The following GABRR2 variants were observed in gnomAD, a reference collection of about 807,000 sequenced individuals.
GABRR2 encodes the protein gamma-aminobutyric acid type A receptor subunit rho2.
In GABRR2, 36 loss-of-function variants were observed where a neutral mutation model predicts 47.0. The ratio of observed to expected loss-of-function variants is 0.77; its 90% CI spans 0.59 to 1.01. GABRR2 has a LOEUF of 1.01. Among genes scored for constraint, GABRR2 ranks in the 50% least tolerant of loss-of-function variants. GABRR2 has a pLI of 0.00. For missense variants in GABRR2, 587 were observed against 594.6 expected (o/e 0.99, Z 0.13); for synonymous variants, 204 against 227.5 (o/e 0.90, Z 0.93).
intron 1 of GABRR2, chr6:89,302,069 G>C: frequency 1.6e-6 from 1 of 642,934 alleles, no homozygotes. Flanking sequence ...TCAGAGTGGG[G>C]CCGGCAATAA....
Position 89,255,857 on chromosome 6 carries a change from G to A in GABRR2, c.*1813C>T, listed in dbSNP as rs1334038054. 1.3e-5 allele frequency among the ~76,000 whole-genome samples: 2 copies of A among 152,046 alleles called. No homozygotes were observed. The highest frequency in any genetic ancestry group is 2.9e-5 in the Non-Finnish European group (2 of 68,022). On this transcript the variant is annotated 3_prime_UTR_variant, in exon 9 of 9. Transcript: ENST00000402938. The stretch of plus-strand genomic sequence containing the variant: ...TACTAAGCCCACTTGAGTGTGGATG[G>A]TGTAACCAAGGAACTGAGTTTTCAA...
Position 89,269,071 on chromosome 6 carries a change from G to T in GABRR2, c.452C>A (p.Thr151Asn). Residue 151 changes from threonine to asparagine, a missense_variant, in exon 4 of 9, where the codon ACC (threonine) becomes AAC (asparagine). Transcript: ENST00000402938. The stretch of plus-strand genomic sequence containing the variant: ...CCTCAGCATGATGTTGTCAGTGGTG[G>T]TGTCATGAGTGAACGATCTTTTGGA... ...VHSKRSFTHD[T>N]TTDNIMLRVF... The T allele has an allele frequency of 6.2e-7, 1 of 1,614,050 alleles. No individual in the cohort carries two copies. The highest frequency in any genetic ancestry group is 1.1e-5 in the South Asian group (1 of 91,090).
At chr6:89,264,377 A>G in intron 8 of GABRR2, 35 bp downstream of exon 8, 1 of 1,590,694 alleles carries the variant, frequency 6.3e-7, no homozygotes, top group South Asian at 1.1e-5. Flanking sequence ...ACCCAGCAGC[A>G]TGGACTTAGA....
chr6:89,313,836 G>A (rs1767716930), intron 1 of GABRR2, among the ~76,000 whole-genome samples: 1 of 152,158 alleles, frequency 6.6e-6, no homozygotes, highest in African/African-American at 2.4e-5. Context: ...AGAATCGCTT[G>A]AACCCGGGAG....
chr6:89,297,336 C>T (rs867400771), intron 2 of GABRR2, among the ~76,000 whole-genome samples: 1 of 152,098 alleles, frequency 6.6e-6, no homozygotes, highest in Non-Finnish European at 1.5e-5. Flanking sequence ...GTCAGCTCTG[C>T]GCCAAGACAT....
intron 2 of GABRR2, among the ~76,000 whole-genome samples, chr6:89,288,890 G>A (rs1056480321): frequency 5.3e-5 from 8 of 152,140 alleles, no homozygotes; most frequent in African/African-American, 1.4e-4. Flanking sequence ...CAAGAGATCC[G>A]CCTCAGTCTC....
chr6:89,269,113 T>C lies in GABRR2; in HGVS notation c.410A>G (p.Asp137Gly), dbSNP rs771786628. Residue 137 changes from aspartate (D) to glycine (G), a missense_variant, in exon 4 of 9, where the codon GAT (aspartate) becomes GGT (glycine). Transcript: ENST00000402938. ...TCTTTTGGAGTGAACAAAGAAGACATCAGGGACCCAGATCTTCTTCACCAG... is the reference window on the plus strand; with the variant it reads ...TCTTTTGGAGTGAACAAAGAAGACACCAGGGACCCAGATCTTCTTCACCAG... ...GRLVKKIWVP[D>G]VFFVHSKRSF... The C allele has an allele frequency of 6.2e-7, 1 of 1,614,012 alleles. No homozygotes were observed. The highest frequency in any genetic ancestry group is 8.5e-7 in the Non-Finnish European group (1 of 1,179,884).
At chr6:89,306,543 C>T (rs550415763) in intron 1 of GABRR2, among the ~76,000 whole-genome samples, 1 of 152,348 alleles carries the variant, frequency 6.6e-6, no homozygotes, top group South Asian at 2.1e-4. Context: ...AAAGACAATT[C>T]ACAGCCAGTG....
At chr6:89,266,444 T>A (rs1018327369) in intron 6 of GABRR2, among the ~76,000 whole-genome samples, 1 of 152,220 alleles carries the variant, frequency 6.6e-6, no homozygotes, top group Non-Finnish European at 1.5e-5. Flanking sequence ...CACTGTCACC[T>A]TTATTGTGAA....
chr6:89,301,819 G>A lies in GABRR2; in HGVS notation c.114-1954C>T, dbSNP rs982794729. 2.8e-5 allele frequency: 27 copies of A among 957,492 alleles called. 1 individual carries two copies. The African/African-American group carries it at 3.4e-4, about 12-fold the overall frequency. The allele number at this position is 957,492 out of a possible 1,614,324, so 59.3% of individuals were successfully genotyped here. On this transcript the variant is annotated intron_variant, in intron 1 of 8. Coordinates refer to ENST00000402938, the MANE Select transcript of GABRR2 (RefSeq NM_002043.5). ...CCTGCACATTCAGGCCGGCCAGTGC[G>A]GCAACTAGATCGGGGCCAAGTTCTG...
intron 2 of GABRR2, among the ~76,000 whole-genome samples, chr6:89,294,633 C>A (rs1051753761): frequency 1.3e-5 from 2 of 151,716 alleles, no homozygotes; most frequent in Non-Finnish European, 2.9e-5. Flanking sequence ...GTGGGTTGGG[C>A]CCAGGCTCTA....
chr6:89,288,234 G>A (rs1582454247), intron 2 of GABRR2, among the ~76,000 whole-genome samples: 2 of 152,068 alleles, frequency 1.3e-5, no homozygotes, highest in South Asian at 2.1e-4. Context: ...AGAGAGGGGA[G>A]GACCAATGGG....
At chr6:89,268,129 C>A in intron 4 of GABRR2, 33 bp from the exon 5 acceptor site, 2 of 1,537,724 alleles carry the variant, frequency 1.3e-6, no homozygotes, top group Non-Finnish European at 1.8e-6. Context: ...TTGGCTTGTG[C>A]GGTGAATTAT....
chr6:89,267,938 C>T (rs1582439601), intron 5 of GABRR2, 76 bp downstream of exon 5: 10 of 1,571,784 alleles, frequency 6.4e-6, no homozygotes, highest in Non-Finnish European at 7.9e-6. Context: ...GGGCAGTGCT[C>T]AGTCTCATGA....
intron 2 of GABRR2, among the ~76,000 whole-genome samples, chr6:89,290,993 C>T (rs1489380834): frequency 6.6e-6 from 1 of 152,184 alleles, no homozygotes; most frequent in Non-Finnish European, 1.5e-5. Flanking sequence ...CCTCCGTAAA[C>T]GCACTTTCAC....
chr6:89,281,275 C>T (rs1194790912), intron 2 of GABRR2, among the ~76,000 whole-genome samples: 1 of 152,190 alleles, frequency 6.6e-6, no homozygotes, highest in Non-Finnish European at 1.5e-5. Context: ...TGTTTCAGGA[C>T]ACATCACAGA....
chr6:89,301,829 T>C lies in GABRR2; in HGVS notation c.114-1964A>G, dbSNP rs907702757. 1.9e-5 allele frequency: 20 copies of C among 1,028,332 alleles called. No homozygotes were observed. In the African/African-American group the frequency reaches 3.2e-4, roughly 17 times the overall value. 63.7% of individuals were successfully genotyped at this position (1,028,332 alleles called of 1,614,324 possible). A position where few individuals can be genotyped will look rare whatever the true frequency, so the allele number is the denominator to read the frequency against. On this transcript the variant is annotated intron_variant, in intron 1 of 8. Coordinates refer to ENST00000402938, the MANE Select transcript of GABRR2 (RefSeq NM_002043.5). ...CAGGCCGGCCAGTGCGGCAACTAGA[T>C]CGGGGCCAAGTTCTGGGAAGTCATC...
In GABRR2 at chr6:89,254,880, A is replaced by G. The variant is rs1773570612; in HGVS notation, c.*2790T>C. 1.3e-5 allele frequency among the ~76,000 whole-genome samples: 2 copies of G among 152,058 alleles called. No homozygotes were observed. Among genetic ancestry groups the G allele is most frequent in the Admixed American group, 6.5e-5 (1 of 15,284 alleles). ...TGTCATTGTATCATGGCCCTGCATG[A>G]TAAAACACTGTTTATGATTCTAAAT... is the stretch of plus-strand genomic sequence containing the variant. On this transcript the variant is annotated 3_prime_UTR_variant, in exon 9 of 9. Transcript: ENST00000402938.
At chr6:89,302,648 T>C (rs2127848313) in intron 1 of GABRR2, 1 of 1,282,446 alleles carries the variant, frequency 7.8e-7, no homozygotes, top group African/African-American at 1.5e-5. Context: ...AGATGTTTGA[T>C]GCCAAGAACA....
Sources: allele counts gnomAD v4.1 joint callset (sites outside exome capture counted in the v4.1 genomes callset), GRCh38; gene constraint gnomAD v4.1.1; transcripts MANE v1.5; gene names NCBI Gene and HGNC (gene_info 2026-07-23, HGNC 2026-07-21).